The following NR6A1 variants were observed in gnomAD, a reference collection of about 807,000 sequenced individuals.
The protein encoded by NR6A1 is nuclear receptor subfamily 6 group A member 1.
NR6A1 carries 7 observed loss-of-function variants against 59.1 expected under a neutral mutation model. The ratio of observed to expected loss-of-function variants is 0.12; its 90% CI spans 0.07 to 0.22. NR6A1 has a LOEUF of 0.22. NR6A1 is among the 10% of genes least tolerant of loss of function. The probability of loss-of-function intolerance (pLI) is 1.00; values close to 1 mark genes in which losing one functional copy is unlikely to be tolerated. For missense variants in NR6A1, 468 were observed against 611.6 expected, an observed-to-expected ratio of 0.77 and a Z score of 2.48; for synonymous variants, 243 against 236.1, an observed-to-expected ratio of 1.03 and a Z score of -0.27.
At chr9:124,705,388 T>C (rs1258692307) in intron 2 of NR6A1, among the ~76,000 whole-genome samples, 4 of 152,248 alleles carry the variant, frequency 2.6e-5, no homozygotes, top group Non-Finnish European at 5.9e-5. Flanking sequence ...CTGTTAGATA[T>C]ATTTTAATAA....
At chr9:124,644,863 C>T (rs992469130) in intron 2 of NR6A1, among the ~76,000 whole-genome samples, 6 of 152,200 alleles carry the variant, frequency 3.9e-5, no homozygotes, top group Middle Eastern at 3.2e-3. Flanking sequence ...CTACATACAA[C>T]GACTGTACTT....
At chr9:124,669,658 T>C (rs1337105777) in intron 2 of NR6A1, among the ~76,000 whole-genome samples, 1 of 152,252 alleles carries the variant, frequency 6.6e-6, no homozygotes, top group Admixed American at 6.5e-5. Context: ...ATAGATTCCA[T>C]TAGCATGGCC....
intron 1 of NR6A1, among the ~76,000 whole-genome samples, chr9:124,751,462 C>T (rs1257686267): frequency 1.3e-5 from 2 of 152,144 alleles, no homozygotes; most frequent in African/African-American, 4.8e-5. Context: ...GGAAGTCCTC[C>T]TTACTTCATT....
chr9:124,553,471 A>G (rs916951656), intron 3 of NR6A1, among the ~76,000 whole-genome samples: 5 of 151,124 alleles, frequency 3.3e-5, no homozygotes, highest in Admixed American at 2.6e-4. Flanking sequence ...AGTATTGCCA[A>G]GGCCAACATT....
rs201743858 is a variant in NR6A1 at position 124,634,179 on chromosome 9, A to AT, written c.143-79610dup. Reference sequence around the variant, plus strand: ...AAAGGAAAAGAAAAAACAGATATAGATTTTTAATAAGGAAAAGCTGGCCTA... The same window carrying AT: ...AAAGGAAAAGAAAAAACAGATATAGATTTTTTAATAAGGAAAAGCTGGCCTA... On this transcript the variant is annotated intron_variant, in intron 2 of 9. Coordinates refer to ENST00000487099, the MANE Select transcript of NR6A1 (RefSeq NM_033334.4). 2.0e-5 allele frequency among the ~76,000 whole-genome samples: 3 copies of AT among 152,236 alleles called. No homozygotes were observed. In the East Asian group the frequency reaches 5.8e-4, roughly 29 times the overall value.
At chr9:124,697,737 T>C (rs1838815227) in intron 2 of NR6A1, among the ~76,000 whole-genome samples, 1 of 151,800 alleles carries the variant, frequency 6.6e-6, no homozygotes, top group African/African-American at 2.4e-5. Flanking sequence ...GTTCTAGTCA[T>C]TGTGGAAATA....
At chr9:124,715,652 T>A (rs951462630) in intron 2 of NR6A1, among the ~76,000 whole-genome samples, 2 of 151,512 alleles carry the variant, frequency 1.3e-5, no homozygotes, top group African/African-American at 4.8e-5. Context: ...CAAGTTTTGT[T>A]AAAAAAAGAA....
At chr9:124,753,388 T>A (rs1185583753) in intron 1 of NR6A1, among the ~76,000 whole-genome samples, 3 of 152,214 alleles carry the variant, frequency 2.0e-5, no homozygotes, top group Non-Finnish European at 4.4e-5. Context: ...AATAAAAAAA[T>A]TCATTTTAAA....
intron 2 of NR6A1, among the ~76,000 whole-genome samples, chr9:124,669,758 G>A (rs1588764417): frequency 6.6e-6 from 1 of 152,118 alleles, no homozygotes; most frequent in East Asian, 1.9e-4. Context: ...CACCATGCCC[G>A]GCTAATTTTT....
intron 7 of NR6A1, among the ~76,000 whole-genome samples, chr9:124,528,075 G>GGCT (rs1832990383): frequency 6.6e-6 from 1 of 152,234 alleles, no homozygotes; most frequent in South Asian, 2.1e-4. Context: ...CTACAGGCCT[G>GGCT]TGCCAAGCCA....
rs563160256 is a variant in NR6A1, at chr9:124,604,958, C to T, written c.143-50388G>A. On this transcript the variant is annotated intron_variant, in intron 2 of 9. Transcript: ENST00000487099. ...AGAAGCATTCCAGAGGATAAACAAA[C>T]AAGAAATACTGGAATTAGAATAACA... is the stretch of plus-strand genomic sequence containing the variant. Among the ~76,000 whole-genome samples the T allele has an allele frequency of 8.5e-4, 129 of 151,930 alleles. 1 individual carries two copies. Among genetic ancestry groups the T allele is most frequent in the African/African-American group, 3.1e-3 (128 of 41,428 alleles).
At chr9:124,563,939 G>T (rs1255877785) in intron 2 of NR6A1, among the ~76,000 whole-genome samples, 1 of 152,042 alleles carries the variant, frequency 6.6e-6, no homozygotes, top group Non-Finnish European at 1.5e-5. Flanking sequence ...AGCCAGGCAT[G>T]GTGGCACACA....
chr9:124,640,560 T>C (rs1324750413), intron 2 of NR6A1, among the ~76,000 whole-genome samples: 2 of 152,056 alleles, frequency 1.3e-5, no homozygotes. Flanking sequence ...CCACTATGCC[T>C]GACTACTTTT....
At position 124,713,972 on chromosome 9, in the gene NR6A1, C is replaced by A. The variant is rs150818809; in HGVS notation, c.142+19336G>T. 5.5e-3 allele frequency among the ~76,000 whole-genome samples: 841 copies of A among 152,240 alleles called. 7 individuals are homozygous for A. Among genetic ancestry groups the A allele is most frequent in the African/African-American group, 0.019 (799 of 41,526 alleles). On this transcript the variant is annotated intron_variant, in intron 2 of 9. Coordinates refer to ENST00000487099, the MANE Select transcript of NR6A1 (RefSeq NM_033334.4). The stretch of plus-strand genomic sequence containing the variant: ...TTTACAGCAGCATTATTCACAATAA[C>A]CAAATGGTGAAAGCAACCCAAGTGT...
chr9:124,554,907 A>G (rs1467076445), intron 2 of NR6A1, among the ~76,000 whole-genome samples: 1 of 152,172 alleles, frequency 6.6e-6, no homozygotes, highest in Non-Finnish European at 1.5e-5. Flanking sequence ...CACGGTAAGG[A>G]TTACTTACCA....
At chr9:124,770,872 C>A in intron 1 of NR6A1, 148 bp downstream of exon 1, 1 of 414,226 alleles carries the variant, frequency 2.4e-6, no homozygotes, top group East Asian at 3.6e-5. Context: ...TCCGCGCCAA[C>A]GGGGAACGGG....
At chr9:124,702,417 T>C (rs1051165192) in intron 2 of NR6A1, among the ~76,000 whole-genome samples, 2 of 152,188 alleles carry the variant, frequency 1.3e-5, no homozygotes, top group Admixed American at 6.5e-5. Flanking sequence ...AAGGACCACA[T>C]ACATAAGGAT....
At chr9:124,711,730 C>A (rs2131073067) in intron 2 of NR6A1, among the ~76,000 whole-genome samples, 1 of 152,162 alleles carries the variant, frequency 6.6e-6, no homozygotes, top group East Asian at 1.9e-4. Context: ...TGGATACCCA[C>A]TGAGTAAGTC....
chr9:124,733,824 A>T (rs1156299714), intron 1 of NR6A1, among the ~76,000 whole-genome samples: 1 of 152,232 alleles, frequency 6.6e-6, no homozygotes, highest in African/African-American at 2.4e-5. Flanking sequence ...AATTTTTCAC[A>T]AATGCTGAAG....
Sources: allele counts gnomAD v4.1 joint callset (sites outside exome capture counted in the v4.1 genomes callset), GRCh38; gene constraint gnomAD v4.1.1; transcripts MANE v1.5; gene names NCBI Gene and HGNC (gene_info 2026-07-23, HGNC 2026-07-21).